The following SNTG2 variants were observed in gnomAD, a reference collection of about 807,000 sequenced individuals.
The protein encoded by SNTG2 is gamma-2-syntrophin.
In SNTG2, 74 loss-of-function variants were observed where a neutral mutation model predicts 70.9. The ratio of observed to expected loss-of-function variants is 1.04; its 90% CI spans 0.86 to 1.27. SNTG2 has a LOEUF of 1.27. Among genes scored for constraint, SNTG2 ranks in the 50% most tolerant of loss-of-function variants. The pLI is 0.00. For missense variants in SNTG2, 717 were observed against 690.7 expected (o/e 1.04, Z -0.43); for synonymous variants, 278 against 273.8 (o/e 1.02, Z -0.15).
At chr2:1,114,789 T>G (rs1033259138) in intron 4 of SNTG2, among the ~76,000 whole-genome samples, 3 of 152,184 alleles carry the variant, frequency 2.0e-5, no homozygotes, top group African/African-American at 4.8e-5. Context: ...TCGTGTGTAC[T>G]AAGGGAAGTT....
chr2:1,023,151 T>C (rs1292552238), intron 1 of SNTG2, among the ~76,000 whole-genome samples: 1 of 152,120 alleles, frequency 6.6e-6, no homozygotes, highest in Non-Finnish European at 1.5e-5. Context: ...GGTTTTTTTT[T>C]TTTAATTTTA....
intron 8 of SNTG2, among the ~76,000 whole-genome samples, chr2:1,176,082 T>C (rs1312602995): frequency 3.3e-5 from 5 of 152,194 alleles, no homozygotes; most frequent in Non-Finnish European, 7.3e-5. Flanking sequence ...ATATGTCATC[T>C]TCAGACATCC....
chr2:1,099,111 G>A lies in SNTG2; in HGVS notation c.325+701G>A, dbSNP rs557394046. ...CCATGCATCTGTCTCCCTATCGGGA[G>A]GATTCTGCATCCTTGTGGCTGGCCT... On this transcript the variant is annotated intron_variant, in intron 4 of 16. Coordinates refer to ENST00000308624, the MANE Select transcript of SNTG2 (RefSeq NM_018968.4). Among the ~76,000 whole-genome samples the A allele has an allele frequency of 2.6e-5, 4 of 152,334 alleles. No individual in the cohort carries two copies. The East Asian group carries it at 7.7e-4, about 29-fold the overall frequency.
At chr2:1,077,444 A>G (rs1278242316) in intron 1 of SNTG2, among the ~76,000 whole-genome samples, 1 of 152,152 alleles carries the variant, frequency 6.6e-6, no homozygotes, top group Non-Finnish European at 1.5e-5. Flanking sequence ...TTTCACATTT[A>G]TAATTCATTT....
chr2:1,010,094 T>A (rs1332625769), intron 1 of SNTG2, among the ~76,000 whole-genome samples: 2 of 152,078 alleles, frequency 1.3e-5, no homozygotes, highest in African/African-American at 4.8e-5. Flanking sequence ...GAGATCTTTA[T>A]AATATGTGAT....
intron 1 of SNTG2, among the ~76,000 whole-genome samples, chr2:982,180 G>T (rs879732155): frequency 6.6e-6 from 1 of 152,132 alleles, no homozygotes; most frequent in Non-Finnish European, 1.5e-5. Flanking sequence ...TGTTGGCAAA[G>T]CCCTAAATAG....
At chr2:1,071,955 G>C (rs1255399336) in intron 1 of SNTG2, among the ~76,000 whole-genome samples, 1 of 152,232 alleles carries the variant, frequency 6.6e-6, no homozygotes, top group Non-Finnish European at 1.5e-5. Context: ...TGAAGGTCTA[G>C]AGAGGGGAGG....
chr2:1,325,679 T>A (rs1681728918), intron 16 of SNTG2, among the ~76,000 whole-genome samples: 1 of 152,236 alleles, frequency 6.6e-6, no homozygotes, highest in Non-Finnish European at 1.5e-5. Flanking sequence ...TATGCTTTTT[T>A]AGAAAAGTTA....
intron 16 of SNTG2, among the ~76,000 whole-genome samples, chr2:1,356,849 T>G (rs1411503412): frequency 6.6e-6 from 1 of 152,170 alleles, no homozygotes; most frequent in African/African-American, 2.4e-5. Context: ...CAATAGTGCA[T>G]TATAGTTTTC....
At chr2:1,018,499 G>A (rs1659982420) in intron 1 of SNTG2, among the ~76,000 whole-genome samples, 1 of 152,124 alleles carries the variant, frequency 6.6e-6, no homozygotes, top group Non-Finnish European at 1.5e-5. Context: ...AGCCGACTGG[G>A]TAGGTGGAGG....
chr2:1,025,748 GGGAT>G (rs1660447690), intron 1 of SNTG2, among the ~76,000 whole-genome samples: 2 of 152,268 alleles, frequency 1.3e-5, no homozygotes, highest in Middle Eastern at 6.8e-3. Flanking sequence ...TGGGTCATCC[GGGAT>G]GACCCCCATC....
chr2:1,245,668 T>C (rs73908948), intron 11 of SNTG2, among the ~76,000 whole-genome samples: 2 of 152,304 alleles, frequency 1.3e-5, no homozygotes, highest in Admixed American at 6.5e-5. Flanking sequence ...GCTAGTGTTA[T>C]AACCAACAAA....
Position 1,128,167 on chromosome 2 carries a change from A to G in SNTG2, c.326-9455A>G, listed in dbSNP as rs538198085. On this transcript the variant is annotated intron_variant, in intron 4 of 16. Coordinates refer to ENST00000308624, the MANE Select transcript of SNTG2 (RefSeq NM_018968.4). ...ATGAAGAAGTGTTAAATTTTATTAA[A>G]TGCTTTTTTTTTCTGAATCTATTTA... Among the ~76,000 whole-genome samples the G allele has an allele frequency of 7.2e-4, 77 of 107,634 alleles. No individual in the cohort carries two copies. In the South Asian group the frequency reaches 0.021, roughly 30 times the overall value. The allele number at this position is 107,634 out of a possible 152,430, so 70.6% of individuals were successfully genotyped here.
chr2:964,027 C>T (rs1230471152), intron 1 of SNTG2, among the ~76,000 whole-genome samples: 1 of 152,138 alleles, frequency 6.6e-6, no homozygotes, highest in African/African-American at 2.4e-5. Context: ...GCGATCCACG[C>T]AGTCACAGTG....
chr2:987,745 G>T (rs1320399755), intron 1 of SNTG2, among the ~76,000 whole-genome samples: 1 of 152,148 alleles, frequency 6.6e-6, no homozygotes, highest in African/African-American at 2.4e-5. Context: ...GGGGAGAGAG[G>T]CCTGGAGGAC....
At chr2:1,181,182 C>T (rs577734446) in intron 8 of SNTG2, among the ~76,000 whole-genome samples, 1 of 151,946 alleles carries the variant, frequency 6.6e-6, no homozygotes, top group South Asian at 2.1e-4. Flanking sequence ...CTAACCTGCA[C>T]ATTGTGCACA....
rs543820099 is a variant in SNTG2 at position 1,231,331 on chromosome 2, G to A, written c.720-6557G>A. ...ATGCCTCTTCCATAGGGTCACTGCG[G>A]GGGTGAAATAGATCCGAAACGTGAA... On this transcript the variant is annotated intron_variant, in intron 9 of 16. Coordinates refer to ENST00000308624, the MANE Select transcript of SNTG2 (RefSeq NM_018968.4). Among the ~76,000 whole-genome samples, 5 of 151,660 alleles carry A rather than the reference G, an allele frequency of 3.3e-5. No homozygotes were observed. The East Asian group carries it at 5.9e-4, about 18-fold the overall frequency.
chr2:1,100,435 G>A (rs58417129), intron 4 of SNTG2, among the ~76,000 whole-genome samples: 1,916 of 152,292 alleles, frequency 0.013, 36 homozygotes, highest in African/African-American at 0.042. Flanking sequence ...GTGAGCCACC[G>A]CACCCAGCCT....
At chr2:1,099,685 G>GGGTGAA in intron 4 of SNTG2, among the ~76,000 whole-genome samples, 1 of 152,116 alleles carries the variant, frequency 6.6e-6, no homozygotes, top group African/African-American at 2.4e-5. Flanking sequence ...GGGCAGTTGT[G>GGGTGAA]GTGAGGGCAG....
Sources: allele counts gnomAD v4.1 joint callset (sites outside exome capture counted in the v4.1 genomes callset), GRCh38; gene constraint gnomAD v4.1.1; transcripts MANE v1.5; gene names NCBI Gene and HGNC (gene_info 2026-07-23, HGNC 2026-07-21).